The following PTPRS variants were observed in gnomAD, a reference collection of about 807,000 sequenced individuals.
PTPRS encodes the protein receptor-type tyrosine-protein phosphatase S.
Under a neutral mutation model 215.3 loss-of-function variants are expected in PTPRS, and 63 were observed. That is an observed-to-expected ratio of 0.29 (90% CI 0.24 to 0.36). The LOEUF is 0.36. Among genes scored for constraint, PTPRS ranks in the 10% least tolerant of loss-of-function variants. The pLI is 1.00. For synonymous variants in PTPRS, 1,404 were observed against 1,191.4 expected (o/e 1.18, Z -3.68); for missense variants, 2,258 against 2,825.8 (o/e 0.80, Z 4.56).
intron 2 of PTPRS, 93 bp from the exon 3 acceptor site, chr19:5,274,437 T>C: frequency 7.2e-7 from 1 of 1,390,184 alleles, no homozygotes; most frequent in East Asian, 2.5e-5. Flanking sequence ...TTCCATGCCC[T>C]GCCCACGGAA....
chr19:5,247,061 A>C (rs2044561310), intron 9 of PTPRS, among the ~76,000 whole-genome samples: 1 of 151,298 alleles, frequency 6.6e-6, no homozygotes, highest in Non-Finnish European at 1.5e-5. Context: ...AGGGACAGAG[A>C]GCGGGAGGGG....
chr19:5,219,625 A>C (rs1599431476), intron 22 of PTPRS, among the ~76,000 whole-genome samples, 158 bp from the exon 23 acceptor site: 2 of 152,200 alleles, frequency 1.3e-5, no homozygotes, highest in South Asian at 4.1e-4. Flanking sequence ...GGTCCCTGCC[A>C]ATCTTTGCTC....
At chr19:5,264,946 G>A (rs894216763) in intron 5 of PTPRS, 62 bp downstream of exon 5, 2 of 1,570,298 alleles carry the variant, frequency 1.3e-6, no homozygotes, top group Admixed American at 1.8e-5. Context: ...GGGCCCTGGA[G>A]ATGCTCCCCA....
rs927348826 is a variant in PTPRS at position 5,223,287 on chromosome 19, G to C, written c.2505C>G (p.Arg835=). ...GGGTCTGCTGCACCGACAGGGTTGG[G>C]CGGCCCAGCACTGCGGGGATACGGG... is the stretch of plus-strand genomic sequence containing the variant. ...VVVTKGAVLG[R]PTLSVQQTPE... Residue 835 remains arginine, a synonymous_variant, in exon 18 of 38, where the codon CGC becomes CGG. Coordinates refer to ENST00000262963, the MANE Select transcript of PTPRS (RefSeq NM_002850.4). 28 of 1,467,840 alleles carry C rather than the reference G, an allele frequency of 1.9e-5. No individual in the cohort carries two copies. Among genetic ancestry groups the C allele is most frequent in the Non-Finnish European group, 2.5e-5 (28 of 1,116,402 alleles). The allele number at this position is 1,467,840 out of a possible 1,614,324, so 90.9% of individuals were successfully genotyped here.
chr19:5,306,148 A>ATTTTT (rs71172709), intron 1 of PTPRS, among the ~76,000 whole-genome samples: 1 of 140,750 alleles, frequency 7.1e-6, no homozygotes, highest in Non-Finnish European at 1.5e-5. Flanking sequence ...ATACAGGGTG[A>ATTTTT]TTTTTTTTTT....
At chr19:5,226,662 T>A (rs2042529426) in intron 16 of PTPRS, among the ~76,000 whole-genome samples, 1 of 151,028 alleles carries the variant, frequency 6.6e-6, no homozygotes. Context: ...GGCAGGAGGA[T>A]CACTTGAACC....
intron 13 of PTPRS, 146 bp downstream of exon 13, chr19:5,238,773 C>T (rs541257458): frequency 1.2e-5 from 14 of 1,165,708 alleles, no homozygotes; most frequent in Admixed American, 7.0e-5. Context: ...TAGATGGATC[C>T]GAGGTCGGGG....
In PTPRS at chr19:5,286,146, G is replaced by A. The variant is rs747092684; in HGVS notation, c.-6C>T. ...GGGCCCCAGGTGGGCGCCATGCTTG[G>A]CAGCGACCTCCGATCTCCGCCCTGG... On this transcript the variant is annotated 5_prime_UTR_variant, in exon 2 of 38. Transcript: ENST00000262963. 6.2e-7 allele frequency: 1 copy of A among 1,613,578 alleles called. No homozygotes were observed. Among genetic ancestry groups the A allele is most frequent in the Non-Finnish European group, 8.5e-7 (1 of 1,179,776 alleles).
chr19:5,255,695 C>T (rs73545329), intron 9 of PTPRS, among the ~76,000 whole-genome samples: 39 of 152,176 alleles, frequency 2.6e-4, no homozygotes, highest in African/African-American at 5.5e-4. Flanking sequence ...CAAACCAAAC[C>T]GACAAGAGAG....
intron 1 of PTPRS, among the ~76,000 whole-genome samples, chr19:5,340,002 G>A (rs909639024): frequency 6.6e-6 from 1 of 151,698 alleles, no homozygotes; most frequent in Non-Finnish European, 1.5e-5. Flanking sequence ...CCGAGTGCCG[G>A]AGGGGCGACC....
At chr19:5,225,334 A>G (rs2042385916) in intron 17 of PTPRS, among the ~76,000 whole-genome samples, 1 of 152,152 alleles carries the variant, frequency 6.6e-6, no homozygotes, top group Non-Finnish European at 1.5e-5. Flanking sequence ...GGGATGAGGC[A>G]ATCAGGGAAG....
At chr19:5,215,655 G>A in intron 26 of PTPRS, 60 bp from the exon 27 acceptor site, 2 of 1,188,708 alleles carry the variant, frequency 1.7e-6, no homozygotes. Flanking sequence ...CGGGGACTCG[G>A]GGGAGGGGGG....
intron 2 of PTPRS, among the ~76,000 whole-genome samples, chr19:5,282,274 A>T (rs2047920575): frequency 6.6e-6 from 1 of 152,114 alleles, no homozygotes. Flanking sequence ...TTGGGATCTG[A>T]GCCAGCCTGG....
chr19:5,222,629 G>A, intron 18 of PTPRS, 60 bp downstream of exon 18: 11 of 1,435,902 alleles, frequency 7.7e-6, no homozygotes, highest in Non-Finnish European at 1.0e-5. Context: ...GGAGGGGGCT[G>A]GGGTGGGGGT....
chr19:5,317,672 A>G (rs773542575), intron 1 of PTPRS, among the ~76,000 whole-genome samples: 6 of 152,190 alleles, frequency 3.9e-5, no homozygotes, highest in Non-Finnish European at 8.8e-5. Context: ...GGGCCCAAGC[A>G]AACATCTCAA....
intron 1 of PTPRS, among the ~76,000 whole-genome samples, chr19:5,333,042 G>A (rs865946855): frequency 3.3e-5 from 5 of 152,052 alleles, no homozygotes; most frequent in Non-Finnish European, 5.9e-5. Context: ...CCAGCTACTC[G>A]GGAGGCTGAG....
intron 1 of PTPRS, among the ~76,000 whole-genome samples, chr19:5,336,710 G>A (rs552183873): frequency 7.4e-5 from 11 of 149,080 alleles, no homozygotes; most frequent in African/African-American, 2.7e-4. Flanking sequence ...ATCCTGCGAG[G>A]AACAGCAGTT....
At chr19:5,264,169 C>CTCTTGTCTTTGTCCCATGATGTTA (rs1342744730) in intron 5 of PTPRS, among the ~76,000 whole-genome samples, 2 of 152,156 alleles carry the variant, frequency 1.3e-5, no homozygotes, top group Admixed American at 1.3e-4. Flanking sequence ...GCCATCACCT[C>CTCTTGTCTTTGTCCCATGATGTTA]TTACTGCTCA....
chr19:5,216,721 T>C lies in PTPRS; in HGVS notation c.4095A>G (p.Glu1365=). Residue 1365 remains glutamate, a splice_region_variant and synonymous_variant, in exon 26 of 38, where the codon GAA becomes GAG. Coordinates refer to ENST00000262963, the MANE Select transcript of PTPRS (RefSeq NM_002850.4). ...SPLREPGFHF[E]SMLSHPPIPI... ...CCAAAAACAGACACAAGAACTAACT[T>C]TCAAAGTGAAACCCCGGCTCCCTGA... is the stretch of plus-strand genomic sequence containing the variant. 1 of 1,567,478 alleles carries C rather than the reference T, an allele frequency of 6.4e-7. No individual in the cohort carries two copies. The highest frequency in any genetic ancestry group is 8.7e-7 in the Non-Finnish European group (1 of 1,153,330).
Sources: gnomAD v4.1 joint callset for allele counts (sites outside exome capture counted in the v4.1 genomes callset) on GRCh38, gnomAD v4.1.1 for gene constraint, MANE v1.5 for transcripts, NCBI Gene and HGNC (gene_info 2026-07-23, HGNC 2026-07-21) for gene names.